TMEM217: variants seen among roughly 807,000 people sequenced by gnomAD.
The protein encoded by TMEM217 is chromosome 6 open reading frame 128.
For synonymous variants in TMEM217, 76 were observed against 88.3 expected (o/e 0.86, Z 0.78); for missense variants, 204 against 248.8 (o/e 0.82, Z 1.21).
In TMEM217 at chr6:37,257,558, C is replaced by T. The variant is rs1765828052; in HGVS notation, c.-12+10G>A. ...ATCCCCTCTTCCTTCCCATAGGTCCCTTACCTTACCTGCTTCTTCCCTCTC... is the reference window on the plus strand; with the variant it reads ...ATCCCCTCTTCCTTCCCATAGGTCCTTTACCTTACCTGCTTCTTCCCTCTC... On this transcript the variant is annotated intron_variant, in intron 1 of 1. Coordinates refer to ENST00000357219, the Ensembl canonical transcript of TMEM217. 3.1e-6 allele frequency: 1 copy of T among 325,558 alleles called. No individual in the cohort carries two copies. The highest frequency in any genetic ancestry group is 5.8e-6 in the Non-Finnish European group (1 of 173,256). The allele number at this position is 325,558 out of a possible 1,614,324, so 20.2% of individuals were successfully genotyped here.
chr6:37,217,336 C>G (rs969688321), downstream of TMEM217, among the ~76,000 whole-genome samples: 12 of 152,178 alleles, frequency 7.9e-5, no homozygotes, highest in African/African-American at 2.9e-4. Flanking sequence ...GACCTGAATG[C>G]AAAGTGATGT....
At chr6:37,213,246 C>T (rs1023987365), downstream of TMEM217, among the ~76,000 whole-genome samples, 1 of 152,216 alleles carries the variant, frequency 6.6e-6, no homozygotes, top group African/African-American at 2.4e-5. Flanking sequence ...TTCTGCTGTT[C>T]CAGCTTCAGC....
chr6:37,251,369 G>GA (rs916919800), intron 1 of TMEM217, among the ~76,000 whole-genome samples: 4 of 130,576 alleles, frequency 3.1e-5, no homozygotes, highest in Non-Finnish European at 6.7e-5. Flanking sequence ...ACTATAATTT[G>GA]AAAAAAACTG....
At chr6:37,224,380 T>G (rs1468781692) in intron 1 of TMEM217, among the ~76,000 whole-genome samples, 1 of 149,186 alleles carries the variant, frequency 6.7e-6, no homozygotes, top group Non-Finnish European at 1.5e-5. Context: ...GGGCGGATCA[T>G]GAGGTCAGGA....
exon 2 of TMEM217, chr6:37,219,039 C>G (rs1410135154): frequency 6.2e-7 from 1 of 1,608,856 alleles, no homozygotes; most frequent in African/African-American, 1.3e-5. Context: ...ATGCTGAGAC[C>G]TCCTGTGAAG....
At chr6:37,223,290 G>T (rs761294583) in intron 1 of TMEM217, among the ~76,000 whole-genome samples, 3 of 151,438 alleles carry the variant, frequency 2.0e-5, no homozygotes, top group Non-Finnish European at 4.4e-5. Flanking sequence ...AAGGATAAAT[G>T]AAAGAAAATC....
chr6:37,220,061 G>C (rs1763421985), intron 1 of TMEM217, among the ~76,000 whole-genome samples: 1 of 152,172 alleles, frequency 6.6e-6, no homozygotes, highest in Non-Finnish European at 1.5e-5. Context: ...CAAGAAGTTA[G>C]AGGGAAAATA....
chr6:37,242,851 A>T (rs1220717368), intron 1 of TMEM217, among the ~76,000 whole-genome samples: 1 of 152,192 alleles, frequency 6.6e-6, no homozygotes, highest in East Asian at 1.9e-4. Context: ...GACTCACACC[A>T]GTATCCCAGG....
chr6:37,218,753 C>T (rs373588289), exon 2 of TMEM217: 5 of 1,614,048 alleles, frequency 3.1e-6, no homozygotes, highest in East Asian at 4.5e-5. Flanking sequence ...GATGACCAGG[C>T]CCCTGAAGAT....
intron 1 of TMEM217, among the ~76,000 whole-genome samples, chr6:37,220,503 TG>T (rs1763444519): frequency 6.6e-6 from 1 of 151,586 alleles, no homozygotes; most frequent in African/African-American, 2.4e-5. Flanking sequence ...ACTGAGCAGG[TG>T]GGGAGAAAAC....
rs374265453 is a variant in TMEM217, at chr6:37,252,637, A to ATTT, written c.-12+4928_-12+4930dup. On this transcript the variant is annotated intron_variant, in intron 1 of 1. Coordinates refer to ENST00000357219, the Ensembl canonical transcript of TMEM217. ...TGTGTGTATATATATATATATATAT[A>ATTT]TTTTTTTTTTTTTTTTTTTTTTGAC... 2.4e-3 allele frequency among the ~76,000 whole-genome samples: 170 copies of ATTT among 71,346 alleles called. 4 individuals carry two copies. Among genetic ancestry groups the ATTT allele is most frequent in the African/African-American group, 8.4e-3 (161 of 19,110 alleles). The allele number at this position is 71,346 out of a possible 152,430, so 46.8% of individuals were successfully genotyped here.
At chr6:37,231,198 T>C (rs1431737279) in intron 1 of TMEM217, among the ~76,000 whole-genome samples, 1 of 151,018 alleles carries the variant, frequency 6.6e-6, no homozygotes, top group Non-Finnish European at 1.5e-5. Flanking sequence ...TAGCTGGGAT[T>C]ACAGGTGCAA....
Position 37,241,878 on chromosome 6 carries a change from G to A in TMEM217, c.-12+15690C>T, listed in dbSNP as rs555684964. ...CTTTTCCTTGGCTTTGTATGTAACC[G>A]TGTAAATTTGCACTGTAACTAAACA... is the stretch of plus-strand genomic sequence containing the variant. On this transcript the variant is annotated intron_variant, in intron 1 of 1. Coordinates refer to ENST00000357219, the Ensembl canonical transcript of TMEM217. Among the ~76,000 whole-genome samples, 4 of 152,150 alleles carry A rather than the reference G, an allele frequency of 2.6e-5. No homozygotes were observed. In the South Asian group the frequency reaches 6.2e-4, roughly 24 times the overall value.
At chr6:37,219,098 C>T (rs948940522) in intron 1 of TMEM217, 57 bp from the exon 2 acceptor site, 2 of 1,479,188 alleles carry the variant, frequency 1.4e-6, no homozygotes, top group Admixed American at 4.0e-5. Flanking sequence ...TGGTAAATTA[C>T]CAGGGTTTCT....
At chr6:37,225,706 C>A (rs988525187) in intron 1 of TMEM217, among the ~76,000 whole-genome samples, 4 of 152,274 alleles carry the variant, frequency 2.6e-5, no homozygotes, top group Admixed American at 6.5e-5. Flanking sequence ...ACATTCATTT[C>A]TCCCTTTTCA....
At chr6:37,243,610 T>C (rs1432060981) in intron 1 of TMEM217, among the ~76,000 whole-genome samples, 4 of 152,136 alleles carry the variant, frequency 2.6e-5, no homozygotes, top group African/African-American at 9.7e-5. Context: ...TTTTGTTTTG[T>C]TTTTTGAGAC....
chr6:37,215,114 C>G (rs1763111267), downstream of TMEM217: 11 of 1,568,514 alleles, frequency 7.0e-6, no homozygotes, highest in South Asian at 1.3e-4. Flanking sequence ...GCACCTCTCT[C>G]TTGGGTCACT....
chr6:37,215,251 G>A (rs1763120361), downstream of TMEM217: 2 of 1,613,878 alleles, frequency 1.2e-6, no homozygotes, highest in East Asian at 4.5e-5. Flanking sequence ...CTTGGCACTG[G>A]AGACAGACAG....
intron 1 of TMEM217, among the ~76,000 whole-genome samples, chr6:37,246,012 G>T (rs1765059443): frequency 6.6e-6 from 1 of 152,046 alleles, no homozygotes; most frequent in Non-Finnish European, 1.5e-5. Context: ...ATGTTGGTCA[G>T]GCTGGTCTCG....
Sources: allele counts gnomAD v4.1 joint callset (sites outside exome capture counted in the v4.1 genomes callset), GRCh38; gene constraint gnomAD v4.1.1; transcripts MANE v1.5; gene names NCBI Gene and HGNC (gene_info 2026-07-23, HGNC 2026-07-21).